Variants in COL5A2 observed in about 807,000 individuals in gnomAD.
COL5A2 encodes collagen alpha-2(V) chain.
COL5A2 carries 23 observed loss-of-function variants against 208.2 expected under a neutral mutation model. The observed-to-expected ratio is 0.11, with a 90% CI of 0.08 to 0.16. COL5A2 has a LOEUF of 0.16. COL5A2 is among the 10% of genes least tolerant of loss of function. COL5A2 has a pLI of 1.00. For missense variants in COL5A2, 1,590 were observed against 1,956.4 expected (o/e 0.81, Z 3.53); for synonymous variants, 625 against 628.5 (o/e 0.99, Z 0.08).
chr2:189,393,962 AG>A, the COL5A2 span, among the ~76,000 whole-genome samples: 1 of 152,174 alleles, frequency 6.6e-6, no homozygotes, highest in Non-Finnish European at 1.5e-5. Flanking sequence ...TCTCAGCCAA[AG>A]TTTTTATGCT....
intron 3 of COL5A2, 102 bp from the exon 4 acceptor site, chr2:189,100,241 T>C: frequency 1.1e-6 from 1 of 902,600 alleles, no homozygotes; most frequent in Non-Finnish European, 1.8e-6. Flanking sequence ...CACAGGGAAT[T>C]TCTATGTAAG....
rs1459588701 is a variant in COL5A2, at chr2:189,179,429, C to T, written c.97+79G>A. 2.0e-6 allele frequency: 3 copies of T among 1,511,078 alleles called. No homozygotes were observed. The African/African-American group carries it at 4.1e-5, about 21-fold the overall frequency. 93.6% of individuals were successfully genotyped at this position (1,511,078 alleles called of 1,614,324 possible). A position where few individuals can be genotyped will look rare whatever the true frequency, so the allele number is the denominator to read the frequency against. ...TTCAAACCAGAACCTCCTCTTCACG[C>T]TCTTCCTGAGGCTTAACATTCCACC... On this transcript the variant is annotated intron_variant, in intron 1 of 53. Coordinates refer to ENST00000374866, the MANE Select transcript of COL5A2 (RefSeq NM_000393.5).
intron 45 of COL5A2, among the ~76,000 whole-genome samples, chr2:189,047,450 G>C (rs1473639675): frequency 6.6e-6 from 1 of 152,144 alleles, no homozygotes; most frequent in Admixed American, 6.5e-5. Flanking sequence ...TCCTGTAGTG[G>C]AGTGTTTAAA....
chr2:189,372,817 A>T, the COL5A2 span, among the ~76,000 whole-genome samples: 1 of 152,100 alleles, frequency 6.6e-6, no homozygotes, highest in East Asian at 1.9e-4. Flanking sequence ...AGGTATATTT[A>T]AAAAAATACA....
intron 1 of COL5A2, among the ~76,000 whole-genome samples, chr2:189,128,305 C>T (rs1687647251): frequency 6.6e-6 from 1 of 151,928 alleles, no homozygotes; most frequent in Non-Finnish European, 1.5e-5. Context: ...AATTGGGAGG[C>T]AAATCCCAGT....
chr2:189,178,646 C>G (rs1688723436), intron 1 of COL5A2, among the ~76,000 whole-genome samples: 1 of 148,588 alleles, frequency 6.7e-6, no homozygotes, highest in Non-Finnish European at 1.5e-5. Flanking sequence ...TACCATATAA[C>G]CCAACTGTAA....
the COL5A2 span, among the ~76,000 whole-genome samples, chr2:189,238,041 T>C: frequency 7.9e-5 from 12 of 152,066 alleles, no homozygotes; most frequent in Admixed American, 7.9e-4. Context: ...ATATAATATA[T>C]TTGCGAGCTA....
the COL5A2 span, among the ~76,000 whole-genome samples, chr2:189,348,289 C>T: frequency 0.036 from 5,544 of 152,120 alleles, 117 homozygotes; most frequent in Admixed American, 0.05. Flanking sequence ...GTCAGTGTGG[C>T]TCATTTATAT....
At chr2:189,351,258 C>T in the COL5A2 span, among the ~76,000 whole-genome samples, 2 of 152,182 alleles carry the variant, frequency 1.3e-5, no homozygotes, top group Non-Finnish European at 1.5e-5. Flanking sequence ...CATACCCTTT[C>T]AAAACAACCA....
chr2:189,050,663 G>GGGC lies in COL5A2; in HGVS notation c.2942_2944dup (p.Gly981_Pro982insArg). 1 of 1,551,982 alleles carries GGGC rather than the reference G, an allele frequency of 6.4e-7. No homozygotes were observed. The highest frequency in any genetic ancestry group is 8.7e-7 in the Non-Finnish European group (1 of 1,147,200). ...CCCGGTCGTTCCAGCTGGACCAGGG[G>GGGC]GGCCATCTGGACCCTAATGTTGAGG... On this transcript the variant is annotated inframe_insertion, in exon 43 of 54. Transcript: ENST00000374866.
intron 16 of COL5A2, among the ~76,000 whole-genome samples, chr2:189,077,422 G>A (rs1686432904): frequency 6.6e-6 from 1 of 152,164 alleles, no homozygotes; most frequent in Non-Finnish European, 1.5e-5. Context: ...ACTGTCTCGT[G>A]ATATTGCAAT....
the COL5A2 span, among the ~76,000 whole-genome samples, chr2:189,405,281 GAGTGC>G: frequency 6.6e-6 from 1 of 151,796 alleles, no homozygotes; most frequent in East Asian, 1.9e-4. Flanking sequence ...ACCCAGGCTG[GAGTGC>G]AGTGGCACAA....
intron 18 of COL5A2, among the ~76,000 whole-genome samples, chr2:189,070,920 T>C (rs1353263861): frequency 8.5e-5 from 13 of 152,188 alleles, no homozygotes; most frequent in Non-Finnish European, 2.9e-5. Context: ...ATTAAGGCAC[T>C]ATTTTAAAGC....
chr2:189,054,400 T>C (rs1685857137), intron 35 of COL5A2, among the ~76,000 whole-genome samples, 188 bp from the exon 36 acceptor site: 1 of 152,220 alleles, frequency 6.6e-6, no homozygotes, highest in South Asian at 2.1e-4. Context: ...TAATACCATT[T>C]CCACCATATT....
At chr2:189,252,811 C>T in the COL5A2 span, among the ~76,000 whole-genome samples, 1 of 151,948 alleles carries the variant, frequency 6.6e-6, no homozygotes, top group African/African-American at 2.4e-5. Flanking sequence ...AATAAAAAGA[C>T]TCTAGAACTG....
the COL5A2 span, among the ~76,000 whole-genome samples, chr2:189,254,008 A>G: frequency 6.6e-6 from 1 of 152,254 alleles, no homozygotes; most frequent in Non-Finnish European, 1.5e-5. Context: ...ACCATCAACT[A>G]GATTTTAAGC....
the COL5A2 span, among the ~76,000 whole-genome samples, chr2:189,342,591 T>G: frequency 1.3e-5 from 2 of 149,602 alleles, no homozygotes; most frequent in Non-Finnish European, 3.0e-5. Flanking sequence ...AACCCCAAAT[T>G]TTTTTCTATT....
At chr2:189,326,358 T>A in the COL5A2 span, among the ~76,000 whole-genome samples, 1 of 151,812 alleles carries the variant, frequency 6.6e-6, no homozygotes, top group Non-Finnish European at 1.5e-5. Context: ...AGAAAGAAAA[T>A]TTTAAAGAGA....
At chr2:189,352,881 G>A in the COL5A2 span, among the ~76,000 whole-genome samples, 19 of 152,266 alleles carry the variant, frequency 1.2e-4, 1 homozygote, top group Admixed American at 2.6e-4. Flanking sequence ...TGTTCTGAAT[G>A]GCACTGCCTA....
Sources: gnomAD v4.1 joint callset for allele counts (sites outside exome capture counted in the v4.1 genomes callset) on GRCh38, gnomAD v4.1.1 for gene constraint, MANE v1.5 for transcripts, NCBI Gene and HGNC (gene_info 2026-07-23, HGNC 2026-07-21) for gene names.